Variants in WNT7A observed in about 807,000 individuals in gnomAD.
WNT7A encodes the protein protein Wnt-7a.
A neutral mutation model predicts 28.2 loss-of-function variants in WNT7A; 16 were observed. That is an observed-to-expected ratio of 0.57 (90% CI 0.38 to 0.86). The LOEUF is 0.86. WNT7A is among the 40% of genes least tolerant of loss of function. WNT7A has a pLI of 0.00. For synonymous variants in WNT7A, 190 were observed against 195.9 expected (o/e 0.97, Z 0.25); for missense variants, 411 against 489.7 (o/e 0.84, Z 1.52).
intron 2 of WNT7A, among the ~76,000 whole-genome samples, chr3:13,858,016 G>A (rs1419324337): frequency 1.3e-5 from 2 of 152,214 alleles, no homozygotes; most frequent in East Asian, 1.9e-4. Context: ...GTACAAGAGG[G>A]CTGAGAGGTA....
intron 2 of WNT7A, among the ~76,000 whole-genome samples, chr3:13,865,340 C>T (rs1412689738): frequency 6.6e-6 from 1 of 152,172 alleles, no homozygotes; most frequent in African/African-American, 2.4e-5. Flanking sequence ...CAGTAGGCGG[C>T]AGGTGGAGCC....
At chr3:13,835,377 G>A (rs1478100269) in intron 3 of WNT7A, among the ~76,000 whole-genome samples, 1 of 152,236 alleles carries the variant, frequency 6.6e-6, no homozygotes, top group Non-Finnish European at 1.5e-5. Context: ...AGAAACCAGA[G>A]GACCACCCGC....
At chr3:13,824,754 T>A (rs1355416582) in intron 3 of WNT7A, among the ~76,000 whole-genome samples, 1 of 152,164 alleles carries the variant, frequency 6.6e-6, no homozygotes, top group Non-Finnish European at 1.5e-5. Flanking sequence ...TTTATCACCA[T>A]GACAGACGAT....
intron 2 of WNT7A, among the ~76,000 whole-genome samples, chr3:13,860,234 T>C (rs1014081360): frequency 3.3e-5 from 5 of 152,136 alleles, no homozygotes; most frequent in African/African-American, 1.2e-4. Flanking sequence ...GTTAGAGTGA[T>C]TTGCTGAGGT....
At chr3:13,844,925 C>T (rs932488151) in intron 3 of WNT7A, among the ~76,000 whole-genome samples, 6 of 152,160 alleles carry the variant, frequency 3.9e-5, no homozygotes, top group Admixed American at 1.3e-4. Flanking sequence ...TCCCTCTTCC[C>T]GGCAGATTTG....
intron 3 of WNT7A, among the ~76,000 whole-genome samples, chr3:13,852,711 G>A (rs535330298): frequency 1.9e-4 from 29 of 152,266 alleles, no homozygotes; most frequent in African/African-American, 6.7e-4. Context: ...GCTGAGTGGT[G>A]TGTGTGGTCA....
At chr3:13,841,658 G>A (rs752036349) in intron 3 of WNT7A, among the ~76,000 whole-genome samples, 2 of 152,214 alleles carry the variant, frequency 1.3e-5, no homozygotes, top group African/African-American at 4.8e-5. Context: ...AATATCGAAG[G>A]CACAGAGGGG....
intron 2 of WNT7A, among the ~76,000 whole-genome samples, chr3:13,868,982 G>A (rs1694979913): frequency 6.8e-6 from 1 of 147,674 alleles, no homozygotes; most frequent in African/African-American, 2.5e-5. Flanking sequence ...AAGAGAAAGA[G>A]AAAGAAAAAG....
intron 3 of WNT7A, among the ~76,000 whole-genome samples, chr3:13,836,433 C>G (rs939146586): frequency 6.6e-6 from 1 of 152,182 alleles, no homozygotes; most frequent in South Asian, 2.1e-4. Flanking sequence ...ATGCCTGGAC[C>G]CCACCCCCAG....
chr3:13,826,466 G>A (rs1381002904), intron 3 of WNT7A, among the ~76,000 whole-genome samples: 1 of 152,174 alleles, frequency 6.6e-6, no homozygotes, highest in Non-Finnish European at 1.5e-5. Context: ...ATGGGGAAAA[G>A]GCATTTCAGA....
At chr3:13,862,900 C>G (rs1377006061) in intron 2 of WNT7A, among the ~76,000 whole-genome samples, 1 of 152,200 alleles carries the variant, frequency 6.6e-6, no homozygotes, top group Admixed American at 6.5e-5. Flanking sequence ...ATTCCATCTG[C>G]CTGCTAAGGG....
At chr3:13,849,730 G>C (rs904034481) in intron 3 of WNT7A, among the ~76,000 whole-genome samples, 10 of 152,170 alleles carry the variant, frequency 6.6e-5, no homozygotes, top group African/African-American at 2.4e-4. Flanking sequence ...AGTCAGGGAG[G>C]ACTTCCCCAT....
chr3:13,843,366 C>A (rs548046567), intron 3 of WNT7A, among the ~76,000 whole-genome samples: 1 of 152,226 alleles, frequency 6.6e-6, no homozygotes, highest in East Asian at 1.9e-4. Context: ...ACAGCTCTGA[C>A]AAGTACAAAT....
At chr3:13,861,412 C>T (rs570808991) in intron 2 of WNT7A, among the ~76,000 whole-genome samples, 1 of 152,372 alleles carries the variant, frequency 6.6e-6, no homozygotes, top group Non-Finnish European at 1.5e-5. Flanking sequence ...ATGTGCCAGG[C>T]ACTGTTCTAG....
chr3:13,852,568 A>G (rs1170614360), intron 3 of WNT7A, among the ~76,000 whole-genome samples: 2 of 152,148 alleles, frequency 1.3e-5, no homozygotes, highest in Non-Finnish European at 2.9e-5. Flanking sequence ...AGGTCGCAAG[A>G]GGGGCTGGAA....
intron 3 of WNT7A, among the ~76,000 whole-genome samples, chr3:13,823,304 C>T (rs1301178795): frequency 6.6e-6 from 1 of 152,204 alleles, no homozygotes; most frequent in Non-Finnish European, 1.5e-5. Context: ...GGTCTGAGGG[C>T]TTTCAGGCTC....
Position 13,879,994 on chromosome 3 carries a change from C to G in WNT7A, c.-178G>C, listed in dbSNP as rs943878549. ...AGCCTCGCCAGGAGCACGGGAGCCA[C>G]GGAGCGGGAGGAGGGAGGGAGGAGC... On this transcript the variant is annotated 5_prime_UTR_variant, in exon 1 of 4. Transcript: ENST00000285018. The G allele has an allele frequency of 1.1e-4, 47 of 412,324 alleles. No homozygotes were observed. The highest frequency in any genetic ancestry group is 1.7e-4 in the Non-Finnish European group (40 of 242,088). 25.5% of individuals were successfully genotyped at this position (412,324 alleles called of 1,614,324 possible). A position where few individuals can be genotyped will look rare whatever the true frequency, so the allele number is the denominator to read the frequency against.
chr3:13,844,286 G>A (rs750321075), intron 3 of WNT7A, among the ~76,000 whole-genome samples: 23 of 152,148 alleles, frequency 1.5e-4, no homozygotes, highest in Non-Finnish European at 3.1e-4. Flanking sequence ...ATGACAATAG[G>A]CCCTTCCCTG....
intron 2 of WNT7A, among the ~76,000 whole-genome samples, chr3:13,864,955 C>G (rs202201534): frequency 6.6e-6 from 1 of 152,166 alleles, no homozygotes. Context: ...ATGTCCGAAG[C>G]GAGGATGTGC....
Sources: gnomAD v4.1 joint callset for allele counts (sites outside exome capture counted in the v4.1 genomes callset) on GRCh38, gnomAD v4.1.1 for gene constraint, MANE v1.5 for transcripts, NCBI Gene and HGNC (gene_info 2026-07-23, HGNC 2026-07-21) for gene names.